CNTNAP2: variants seen among roughly 807,000 people sequenced by gnomAD.
CNTNAP2 encodes contactin-associated protein-like 2.
CNTNAP2 carries 98 observed loss-of-function variants against 155.2 expected under a neutral mutation model. The observed-to-expected ratio is 0.63, with a 90% CI of 0.54 to 0.75. CNTNAP2 has a LOEUF of 0.75. Ranked by LOEUF, CNTNAP2 falls within the 30% of genes least tolerant of loss-of-function variation. The pLI, the probability that CNTNAP2 is intolerant of heterozygous loss-of-function variation, is 0.00. For synonymous variants in CNTNAP2, 651 were observed against 631.2 expected (o/e 1.03, Z -0.47); for missense variants, 1,727 against 1,688.1 (o/e 1.02, Z -0.40).
intron 8 of CNTNAP2, among the ~76,000 whole-genome samples, chr7:147,240,309 A>G (rs1803907591): frequency 6.6e-6 from 1 of 152,184 alleles, no homozygotes; most frequent in Admixed American, 6.5e-5. Context: ...TGGGTGATAG[A>G]TGGAGACCCT....
At chr7:148,027,265 A>C (rs917370333) in intron 15 of CNTNAP2, among the ~76,000 whole-genome samples, 1 of 152,240 alleles carries the variant, frequency 6.6e-6, no homozygotes, top group Non-Finnish European at 1.5e-5. Flanking sequence ...TTTTCTTCAC[A>C]TTAAAGTGTA....
At chr7:148,351,662 G>A (rs1288185560) in intron 21 of CNTNAP2, among the ~76,000 whole-genome samples, 1 of 148,904 alleles carries the variant, frequency 6.7e-6, no homozygotes, top group African/African-American at 2.5e-5. Context: ...AGAATCACTT[G>A]AACCCAGGAG....
chr7:147,792,810 C>A (rs1797839939), intron 13 of CNTNAP2, among the ~76,000 whole-genome samples: 1 of 152,070 alleles, frequency 6.6e-6, no homozygotes. Flanking sequence ...CATTTTACAT[C>A]CCCATCAACA....
intron 1 of CNTNAP2, among the ~76,000 whole-genome samples, chr7:146,463,802 A>G (rs1007251337): frequency 2.0e-5 from 3 of 152,154 alleles, no homozygotes; most frequent in Admixed American, 2.0e-4. Context: ...AGTGTTAACA[A>G]GTGCTAAAAT....
chr7:146,582,660 A>C (rs1439003110), intron 1 of CNTNAP2, among the ~76,000 whole-genome samples: 1 of 152,098 alleles, frequency 6.6e-6, no homozygotes, highest in Non-Finnish European at 1.5e-5. Context: ...CAAAGGTACT[A>C]CTAGAATATT....
chr7:147,190,081 G>T (rs1381715294), intron 8 of CNTNAP2, among the ~76,000 whole-genome samples: 1 of 151,978 alleles, frequency 6.6e-6, no homozygotes, highest in African/African-American at 2.4e-5. Flanking sequence ...ACCTTCAAGG[G>T]GTATTTGTAT....
chr7:147,648,390 A>G (rs1284972557), intron 13 of CNTNAP2, among the ~76,000 whole-genome samples: 2 of 152,218 alleles, frequency 1.3e-5, no homozygotes, highest in South Asian at 4.1e-4. Context: ...AAAGTTACGC[A>G]AAGTAGATTT....
At chr7:147,187,889 G>C (rs1802600064) in intron 8 of CNTNAP2, among the ~76,000 whole-genome samples, 1 of 152,098 alleles carries the variant, frequency 6.6e-6, no homozygotes, top group African/African-American at 2.4e-5. Context: ...GTGAAACCCT[G>C]TCTCTACCAA....
chr7:147,078,622 G>A (rs2129267575), intron 4 of CNTNAP2, among the ~76,000 whole-genome samples: 1 of 151,876 alleles, frequency 6.6e-6, no homozygotes, highest in Non-Finnish European at 1.5e-5. Flanking sequence ...AGGAACTATA[G>A]GTCCCCTGGC....
At chr7:146,780,482 C>T (rs544535735) in intron 2 of CNTNAP2, among the ~76,000 whole-genome samples, 1 of 152,092 alleles carries the variant, frequency 6.6e-6, no homozygotes, top group Non-Finnish European at 1.5e-5. Context: ...AGCCACTGTG[C>T]CCGGCCGGTT....
intron 21 of CNTNAP2, among the ~76,000 whole-genome samples, chr7:148,282,088 T>G (rs6947091): frequency 0.68 from 103,854 of 151,928 alleles, 35,924 homozygotes; most frequent in South Asian, 0.81. Context: ...CTCCTAAAGT[T>G]CTGGGATTAC....
intron 13 of CNTNAP2, among the ~76,000 whole-genome samples, chr7:147,754,059 G>A (rs1797179070): frequency 6.6e-6 from 1 of 151,904 alleles, no homozygotes; most frequent in Non-Finnish European, 1.5e-5. Flanking sequence ...CAATACTGAG[G>A]CAAATGGTGT....
rs553855703 is a variant in CNTNAP2, at chr7:148,347,942, C to A, written c.3476-35707C>A. On this transcript the variant is annotated intron_variant, in intron 21 of 23. Transcript: ENST00000361727. ...GTAGTTCTCGTCAATTCAAACTCAT[C>A]CCCAACTTTCTTTTTTTTTCTACCT... Among the ~76,000 whole-genome samples, 20 of 152,322 alleles carry A rather than the reference C, an allele frequency of 1.3e-4. No individual in the cohort carries two copies. In the South Asian group the frequency reaches 4.1e-3, roughly 32 times the overall value.
Position 146,390,127 on chromosome 7 carries a change from T to G in CNTNAP2, c.97+273154T>G, listed in dbSNP as rs1795519140. 2.0e-5 allele frequency among the ~76,000 whole-genome samples: 3 copies of G among 152,178 alleles called. No homozygotes were observed. The South Asian group carries it at 6.2e-4, about 32-fold the overall frequency. On this transcript the variant is annotated intron_variant, in intron 1 of 23. Coordinates refer to ENST00000361727, the MANE Select transcript of CNTNAP2 (RefSeq NM_014141.6). The stretch of plus-strand genomic sequence containing the variant: ...TTAGTAAATATTCCAAAAGTAATTG[T>G]GCAATATTACTTTGTTAATATTTTT...
intron 8 of CNTNAP2, among the ~76,000 whole-genome samples, chr7:147,264,802 G>A (rs1804570216): frequency 6.6e-6 from 1 of 151,974 alleles, no homozygotes; most frequent in African/African-American, 2.4e-5. Context: ...AATGTTAACA[G>A]TGTTCCCCTG....
At chr7:146,810,461 A>G (rs2129193598) in intron 2 of CNTNAP2, among the ~76,000 whole-genome samples, 1 of 151,270 alleles carries the variant, frequency 6.6e-6, no homozygotes, top group East Asian at 2.0e-4. Flanking sequence ...TCATGGGAAC[A>G]TTTTCTTAGT....
chr7:146,653,617 T>C (rs1479150120), intron 1 of CNTNAP2, among the ~76,000 whole-genome samples: 4 of 152,234 alleles, frequency 2.6e-5, no homozygotes, highest in Non-Finnish European at 4.4e-5. Flanking sequence ...TGAATGCTAA[T>C]ATGATGGTCA....
At chr7:146,158,332 C>T (rs1225702844) in intron 1 of CNTNAP2, among the ~76,000 whole-genome samples, 1 of 152,198 alleles carries the variant, frequency 6.6e-6, no homozygotes, top group Non-Finnish European at 1.5e-5. Flanking sequence ...AGCGCCTCTT[C>T]TCCTCCAAAG....
intron 18 of CNTNAP2, among the ~76,000 whole-genome samples, chr7:148,196,768 T>A (rs2116725332): frequency 6.6e-6 from 1 of 152,308 alleles, no homozygotes; most frequent in East Asian, 1.9e-4. Context: ...GACTTGTAAC[T>A]GTTCCAGGGA....
Sources: allele counts gnomAD v4.1 joint callset (sites outside exome capture counted in the v4.1 genomes callset), GRCh38; gene constraint gnomAD v4.1.1; transcripts MANE v1.5; gene names NCBI Gene and HGNC (gene_info 2026-07-23, HGNC 2026-07-21).